Variants in ABCA3 observed in about 807,000 individuals in gnomAD.
ABCA3 encodes the protein phospholipid-transporting ATPase ABCA3.
Under a neutral mutation model 172.8 loss-of-function variants are expected in ABCA3, and 88 were observed. The ratio of observed to expected loss-of-function variants is 0.51; its 90% CI spans 0.43 to 0.61. The LOEUF is 0.61. Ranked by LOEUF, ABCA3 falls within the 20% of genes least tolerant of loss-of-function variation. The pLI, the probability that ABCA3 is intolerant of heterozygous loss-of-function variation, is 0.00. For synonymous variants in ABCA3, 1,066 were observed against 983.8 expected, an observed-to-expected ratio of 1.08 and a Z score of -1.56; for missense variants, 2,164 against 2,301.0, an observed-to-expected ratio of 0.94 and a Z score of 1.22.
At chr16:2,322,878 T>C (rs1167153429) in intron 7 of ABCA3, among the ~76,000 whole-genome samples, 5 of 152,116 alleles carry the variant, frequency 3.3e-5, no homozygotes, top group Non-Finnish European at 7.4e-5. Context: ...ACCTACAGAA[T>C]GGGAGAAAAT....
intron 12 of ABCA3, among the ~76,000 whole-genome samples, chr16:2,302,026 C>G (rs1436937312): frequency 2.6e-5 from 4 of 152,272 alleles, no homozygotes; most frequent in Admixed American, 2.6e-4. Context: ...CCTGAGAGAT[C>G]TGTGTCTTAA....
intron 12 of ABCA3, 79 bp from the exon 13 acceptor site, chr16:2,300,227 C>T (rs2093686835): frequency 6.3e-7 from 1 of 1,586,516 alleles, no homozygotes; most frequent in Admixed American, 1.7e-5. Flanking sequence ...ACTAGATGCA[C>T]ACAGCCATGC....
intron 5 of ABCA3, 100 bp downstream of exon 5, chr16:2,325,909 TC>T: frequency 1.3e-6 from 2 of 1,530,222 alleles, no homozygotes. Context: ...CAGGGTGAAC[TC>T]CTCACCCAGC....
chr16:2,337,558 T>C (rs2093753873), intron 1 of ABCA3, among the ~76,000 whole-genome samples: 1 of 151,734 alleles, frequency 6.6e-6, no homozygotes, highest in South Asian at 2.1e-4. Flanking sequence ...ATTTTTTTTT[T>C]TTTTTTTTTA....
intron 7 of ABCA3, 94 bp downstream of exon 7, chr16:2,323,429 C>G (rs1262556378): frequency 6.0e-6 from 9 of 1,505,012 alleles, no homozygotes; most frequent in South Asian, 1.1e-5. Context: ...AGTATTTCTT[C>G]AAGAAATACT....
Position 2,277,559 on chromosome 16 carries a change from C to T in ABCA3, c.4983+38G>A. 1.9e-6 allele frequency: 3 copies of T among 1,609,238 alleles called. No homozygotes were observed. The highest frequency in any genetic ancestry group is 1.1e-5 in the South Asian group (1 of 90,724). ...GACCCCTGGAGGGACCTCCCCCTGC[C>T]CCATGAGTGCCCAGTGGGGCCCCAG... On this transcript the variant is annotated intron_variant, in intron 32 of 32. Transcript: ENST00000301732. This position sits in a 1 kb window ranked among gnomAD's most constrained non-coding sequence, Gnocchi z 5.3.
intron 11 of ABCA3, among the ~76,000 whole-genome samples, chr16:2,306,556 GC>G (rs1444926021): frequency 6.6e-6 from 1 of 152,084 alleles, no homozygotes; most frequent in African/African-American, 2.4e-5. Context: ...GCTTGACTGG[GC>G]CCCCCAAATT....
At chr16:2,317,867 G>C (rs896578357) in intron 8 of ABCA3, 103 bp from the exon 9 acceptor site, 24 of 1,044,676 alleles carry the variant, frequency 2.3e-5, no homozygotes, top group Middle Eastern at 3.0e-4. Flanking sequence ...TGTCCCAGCA[G>C]CCCTGCATTC....
chr16:2,320,508 G>C (rs943089939), intron 7 of ABCA3, among the ~76,000 whole-genome samples: 26 of 150,738 alleles, frequency 1.7e-4, no homozygotes, highest in African/African-American at 6.4e-4. Flanking sequence ...TCCTGCCTCA[G>C]CCTCCCGAAT....
At chr16:2,329,060 G>A (rs576270349) in intron 2 of ABCA3, among the ~76,000 whole-genome samples, 7 of 150,938 alleles carry the variant, frequency 4.6e-5, no homozygotes, top group Non-Finnish European at 1.0e-4. Context: ...TGCTTTAAAG[G>A]GTAGTCAATA....
chr16:2,320,137 C>T (rs1331551597), intron 7 of ABCA3, among the ~76,000 whole-genome samples: 7 of 151,710 alleles, frequency 4.6e-5, no homozygotes, highest in African/African-American at 2.4e-5. Flanking sequence ...CTCACTCTGT[C>T]GCCCAGGCTG....
chr16:2,299,657 G>C (rs1329164560), intron 13 of ABCA3, 125 bp from the exon 14 acceptor site: 24 of 1,475,444 alleles, frequency 1.6e-5, no homozygotes, highest in Non-Finnish European at 2.2e-5. Flanking sequence ...TCAGTGTGCA[G>C]AGGGGAGGGA....
rs965599842 is a variant in ABCA3, at chr16:2,300,074, G to C, written c.1542C>G (p.Leu514=). The C allele has an allele frequency of 3.7e-6, 6 of 1,613,532 alleles. No individual in the cohort carries two copies. In the African/African-American group the frequency reaches 8.0e-5, roughly 22 times the overall value. The part of the protein sequence containing the change: ...EEEDSDPEKA[L]RNEYFEAEPE... ...GCTCGGCTTCAAAGTACTCGTTTCTGAGTGCTTTCTCGGGGTCACTGTCTT... is the reference window on the plus strand; with the variant it reads ...GCTCGGCTTCAAAGTACTCGTTTCTCAGTGCTTTCTCGGGGTCACTGTCTT... Residue 514 remains leucine, a synonymous_variant, in exon 13 of 33, where the codon CTC becomes CTG. Transcript: ENST00000301732.
rs1283956825 is a variant in ABCA3, at chr16:2,276,715, A to C, written c.5074T>G (p.Phe1692Val). Residue 1692 changes from phenylalanine (F) to valine (V), a missense_variant, in exon 33 of 33, where the codon TTC (phenylalanine) becomes GTC (valine). Physicochemically the swap from Phe to Val is conservative, Grantham distance 50 (BLOSUM62 -1). Transcript: ENST00000301732. ...GCGGTGGGCGGCTGCAGGTGGGCGAAGCTCAGGAAGACCTGTTCCAGCGAG... is the reference window on the plus strand; with the variant it reads ...GCGGTGGGCGGCTGCAGGTGGGCGACGCTCAGGAAGACCTGTTCCAGCGAG... ...QISLEQVFLS[F>V]AHLQPPTAEE... The C allele has an allele frequency of 6.2e-7, 1 of 1,613,854 alleles. No individual in the cohort carries two copies. Among genetic ancestry groups the C allele is most frequent in the Non-Finnish European group, 8.5e-7 (1 of 1,180,036 alleles).
chr16:2,339,650 C>T lies in ABCA3; in HGVS notation c.-539+923G>A, dbSNP rs984806584. On this transcript the variant is annotated intron_variant, in intron 1 of 32. Coordinates refer to ENST00000301732, the MANE Select transcript of ABCA3 (RefSeq NM_001089.3). ...CCATGCTGTCGCGGGGTCTCGGCTA[C>T]TCACTCAGCGGGCATTTCTGGAGTT... Among the ~76,000 whole-genome samples the T allele has an allele frequency of 1.5e-4, 23 of 152,232 alleles. 1 individual carries two copies. The highest frequency in any genetic ancestry group is 2.4e-4 in the Non-Finnish European group (16 of 68,040).
chr16:2,317,173 G>A, intron 10 of ABCA3, 110 bp downstream of exon 10: 1 of 1,517,768 alleles, frequency 6.6e-7, no homozygotes, highest in Non-Finnish European at 9.0e-7. Flanking sequence ...CTCCTCCCTG[G>A]GCAGCTCCAC....
At chr16:2,280,028 C>T (rs997006880) in intron 28 of ABCA3, among the ~76,000 whole-genome samples, 2 of 152,214 alleles carry the variant, frequency 1.3e-5, no homozygotes, top group Non-Finnish European at 2.9e-5. Flanking sequence ...GGATTATAGG[C>T]GTGAGCCACG....
intron 1 of ABCA3, among the ~76,000 whole-genome samples, chr16:2,330,903 GT>G (rs2093742153): frequency 6.6e-6 from 1 of 151,828 alleles, no homozygotes; most frequent in Admixed American, 6.6e-5. Context: ...GGGTTTCCCT[GT>G]GCTAGCCAGG....
chr16:2,321,719 C>A (rs1298601121), intron 7 of ABCA3, among the ~76,000 whole-genome samples: 4 of 152,190 alleles, frequency 2.6e-5, no homozygotes, highest in Admixed American at 2.6e-4. Flanking sequence ...CACGAAGACA[C>A]ACACTGATGG....
Sources: allele counts gnomAD v4.1 joint callset (sites outside exome capture counted in the v4.1 genomes callset), GRCh38; gene constraint gnomAD v4.1.1; non-coding constraint Gnocchi (gnomAD v3.1); transcripts MANE v1.5; gene names NCBI Gene and HGNC (gene_info 2026-07-23, HGNC 2026-07-21).